Variants in PRR16 observed in about 807,000 individuals in gnomAD.
PRR16 encodes the protein protein Largen.
A neutral mutation model predicts 18.2 loss-of-function variants in PRR16; 6 were observed. That is an observed-to-expected ratio of 0.33 (90% CI 0.18 to 0.65). The LOEUF (loss-of-function observed/expected upper bound fraction) is 0.65. PRR16 is among the 30% of genes least tolerant of loss of function. The probability of loss-of-function intolerance (pLI) is 0.74; values close to 1 mark genes in which losing one functional copy is unlikely to be tolerated. For missense variants in PRR16, 412 were observed against 376.6 expected, an observed-to-expected ratio of 1.09 and a Z score of -0.78; for synonymous variants, 151 against 147.8, an observed-to-expected ratio of 1.02 and a Z score of -0.16.
chr5:120,646,932 A>G lies in PRR16; in HGVS notation c.160-39022A>G, dbSNP rs555977973. On this transcript the variant is annotated intron_variant, in intron 1 of 1. Transcript: ENST00000407149. The stretch of plus-strand genomic sequence containing the variant: ...TTTGTTGGATTTTTTTCCAGGAATC[A>G]TGGGTTGCAGAGACAGCATGTTATA... Among the ~76,000 whole-genome samples, 18 of 152,134 alleles carry G rather than the reference A, an allele frequency of 1.2e-4. 1 individual carries two copies. The East Asian group carries it at 2.1e-3, about 18-fold the overall frequency.
At chr5:120,668,313 C>A (rs1296966516) in intron 1 of PRR16, among the ~76,000 whole-genome samples, 1 of 151,090 alleles carries the variant, frequency 6.6e-6, no homozygotes, top group Non-Finnish European at 1.5e-5. Flanking sequence ...CTTGGTAGAT[C>A]TTCCTCCATC....
intron 1 of PRR16, among the ~76,000 whole-genome samples, chr5:120,477,875 G>A (rs1054717126): frequency 2.6e-5 from 4 of 152,118 alleles, no homozygotes; most frequent in Admixed American, 6.5e-5. Context: ...CTGAGCAAAC[G>A]CTTACCTCAC....
At chr5:120,754,319 AATATT>A in the PRR16 span, among the ~76,000 whole-genome samples, 1 of 57,450 alleles carries the variant, frequency 1.7e-5, no homozygotes, top group East Asian at 6.0e-4. Flanking sequence ...ATAACATATA[AATATT>A]ATATGTTATA....
chr5:120,758,683 C>T, the PRR16 span, among the ~76,000 whole-genome samples: 2 of 152,004 alleles, frequency 1.3e-5, no homozygotes, highest in African/African-American at 2.4e-5. Context: ...GTAAGACGTG[C>T]CTTGCTTCCC....
chr5:120,470,774 T>C (rs1219321013), intron 1 of PRR16, among the ~76,000 whole-genome samples: 1 of 152,146 alleles, frequency 6.6e-6, no homozygotes, highest in East Asian at 1.9e-4. Context: ...ATTTTACACA[T>C]AAGAAATCTG....
the PRR16 span, among the ~76,000 whole-genome samples, chr5:120,757,605 C>T: frequency 0.012 from 1,773 of 151,754 alleles, 13 homozygotes; most frequent in Middle Eastern, 0.021. Flanking sequence ...TTTATTTTGT[C>T]GTTATTATAT....
chr5:120,574,213 G>C (rs1010600951), intron 1 of PRR16, among the ~76,000 whole-genome samples: 1 of 151,956 alleles, frequency 6.6e-6, no homozygotes, highest in Admixed American at 6.6e-5. Context: ...ACTTGAGAAA[G>C]GACTTGTTTT....
chr5:120,720,351 T>C, the PRR16 span, among the ~76,000 whole-genome samples: 3 of 152,080 alleles, frequency 2.0e-5, no homozygotes, highest in Admixed American at 2.0e-4. Context: ...TTAAATTTCC[T>C]TTTGACCCAT....
rs954466348 is a variant in PRR16 at position 120,522,575 on chromosome 5, C to T, written c.159+57930C>T. Among the ~76,000 whole-genome samples, 3 of 152,032 alleles carry T rather than the reference C, an allele frequency of 2.0e-5. No homozygotes were observed. The South Asian group carries it at 6.2e-4, about 32-fold the overall frequency. The stretch of plus-strand genomic sequence containing the variant: ...TTCTTTGTAGATTCTGGATATTAGC[C>T]CTTTGTCAGATGGGTAGATTGCAAA... On this transcript the variant is annotated intron_variant, in intron 1 of 1. Transcript: ENST00000407149.
chr5:120,669,737 T>C (rs963417575), intron 1 of PRR16, among the ~76,000 whole-genome samples: 1 of 152,076 alleles, frequency 6.6e-6, no homozygotes, highest in African/African-American at 2.4e-5. Flanking sequence ...TAGAACTCAG[T>C]AAAAGAGAAA....
chr5:120,497,721 C>T (rs1207633124), intron 1 of PRR16, among the ~76,000 whole-genome samples: 1 of 151,774 alleles, frequency 6.6e-6, no homozygotes, highest in Non-Finnish European at 1.5e-5. Context: ...ATATTTGTCT[C>T]TCCTCAGAAA....
chr5:120,531,745 A>G (rs1473431971), intron 1 of PRR16, among the ~76,000 whole-genome samples: 1 of 152,138 alleles, frequency 6.6e-6, no homozygotes, highest in African/African-American at 2.4e-5. Context: ...AACACAAGCA[A>G]AAATCACAGA....
the PRR16 span, among the ~76,000 whole-genome samples, chr5:120,752,394 C>A: frequency 6.6e-6 from 1 of 151,876 alleles, no homozygotes; most frequent in Non-Finnish European, 1.5e-5. Context: ...AGAAACCTGG[C>A]TTCATAACCT....
chr5:120,792,751 A>G, the PRR16 span, among the ~76,000 whole-genome samples: 2 of 152,218 alleles, frequency 1.3e-5, no homozygotes, highest in African/African-American at 4.8e-5. Context: ...GGGTAAGAAA[A>G]AATACATAGA....
chr5:120,593,201 A>G (rs1435692401), intron 1 of PRR16, among the ~76,000 whole-genome samples: 2 of 152,044 alleles, frequency 1.3e-5, no homozygotes, highest in Non-Finnish European at 2.9e-5. Context: ...AGGAAAAACC[A>G]TACAAAAGAT....
At chr5:120,756,604 T>C in the PRR16 span, among the ~76,000 whole-genome samples, 2 of 152,076 alleles carry the variant, frequency 1.3e-5, no homozygotes, top group East Asian at 3.9e-4. Flanking sequence ...TTGAGAAGTG[T>C]CTGTTCATGT....
intron 1 of PRR16, among the ~76,000 whole-genome samples, chr5:120,667,871 C>G (rs1756448800): frequency 1.3e-5 from 2 of 152,072 alleles, no homozygotes; most frequent in Admixed American, 1.3e-4. Flanking sequence ...AGCTTTACTT[C>G]CAACTATGTG....
chr5:120,663,987 C>G (rs1175703070), intron 1 of PRR16, among the ~76,000 whole-genome samples: 1 of 152,000 alleles, frequency 6.6e-6, no homozygotes, highest in Non-Finnish European at 1.5e-5. Context: ...TTGATTAAAA[C>G]AGTTAATGTG....
chr5:120,468,231 A>G (rs1470342586), intron 1 of PRR16, among the ~76,000 whole-genome samples: 1 of 152,198 alleles, frequency 6.6e-6, no homozygotes, highest in Non-Finnish European at 1.5e-5. Context: ...GTTGACTTAG[A>G]TTGTCATGGT....
Sources: allele counts gnomAD v4.1 joint callset (sites outside exome capture counted in the v4.1 genomes callset), GRCh38; gene constraint gnomAD v4.1.1; transcripts MANE v1.5; gene names NCBI Gene and HGNC (gene_info 2026-07-23, HGNC 2026-07-21).